The following MSRA variants were observed in gnomAD, a reference collection of about 807,000 sequenced individuals.
MSRA encodes the protein mitochondrial peptide methionine sulfoxide reductase.
Under a neutral mutation model 31.3 loss-of-function variants are expected in MSRA, and 54 were observed. The ratio of observed to expected loss-of-function variants is 1.73; its 90% confidence interval spans 1.39 to 2.17. MSRA has a LOEUF of 2.17. Ranked by LOEUF, MSRA falls within the 30% of genes most tolerant of loss-of-function variation. The pLI is 0.00. For missense variants in MSRA, 507 were observed against 300.9 expected (o/e 1.69, Z -5.07); for synonymous variants, 169 against 116.5 (o/e 1.45, Z -2.90).
intron 5 of MSRA, among the ~76,000 whole-genome samples, chr8:10,404,142 A>G (rs1051615080): frequency 2.0e-5 from 3 of 152,102 alleles, no homozygotes; most frequent in African/African-American, 4.8e-5. Context: ...GCATGTCACA[A>G]TGCATCACCT....
intron 1 of MSRA, among the ~76,000 whole-genome samples, chr8:10,081,783 C>T (rs1036818939): frequency 6.6e-6 from 1 of 152,136 alleles, no homozygotes; most frequent in Non-Finnish European, 1.5e-5. Flanking sequence ...AGGTGTGAGC[C>T]ACTACGCCTG....
At chr8:10,252,824 T>C (rs1797987527) in intron 3 of MSRA, among the ~76,000 whole-genome samples, 1 of 152,212 alleles carries the variant, frequency 6.6e-6, no homozygotes, top group Admixed American at 6.5e-5. Flanking sequence ...GCCAGTGCTA[T>C]TGAATTCAGA....
chr8:10,295,162 A>G (rs772091647), intron 3 of MSRA, among the ~76,000 whole-genome samples: 13 of 151,982 alleles, frequency 8.6e-5, no homozygotes, highest in Admixed American at 3.3e-4. Context: ...GGGCAATGAG[A>G]CTGCTTGTCT....
chr8:10,221,455 T>TATATATA, intron 2 of MSRA, among the ~76,000 whole-genome samples: 1 of 151,440 alleles, frequency 6.6e-6, no homozygotes, highest in African/African-American at 2.4e-5. Context: ...CATATATATA[T>TATATATA]TTGTTCTTTA....
intron 3 of MSRA, among the ~76,000 whole-genome samples, chr8:10,290,713 C>T (rs1800187793): frequency 6.6e-6 from 1 of 152,210 alleles, no homozygotes; most frequent in African/African-American, 2.4e-5. Context: ...GACAACAAGG[C>T]ACACACAGAC....
intron 3 of MSRA, among the ~76,000 whole-genome samples, chr8:10,277,189 C>G (rs1013280706): frequency 4.6e-5 from 7 of 152,162 alleles, no homozygotes; most frequent in African/African-American, 1.7e-4. Flanking sequence ...TTTATCCTGG[C>G]AAACTTAAGA....
intron 1 of MSRA, among the ~76,000 whole-genome samples, chr8:10,192,878 T>C (rs1807633582): frequency 6.6e-6 from 1 of 152,112 alleles, no homozygotes; most frequent in African/African-American, 2.4e-5. Context: ...TGGAAAATGG[T>C]TTCTAAATCT....
At chr8:10,421,465 C>T (rs1219893844) in intron 5 of MSRA, among the ~76,000 whole-genome samples, 1 of 152,072 alleles carries the variant, frequency 6.6e-6, no homozygotes, top group East Asian at 1.9e-4. Context: ...GCCACCTGTG[C>T]TGCCAGGAGC....
intron 1 of MSRA, among the ~76,000 whole-genome samples, chr8:10,150,595 C>T (rs1275268835): frequency 6.6e-6 from 1 of 152,010 alleles, no homozygotes; most frequent in Admixed American, 6.6e-5. Context: ...TCTACAGAAA[C>T]AAACAACAAA....
intron 2 of MSRA, among the ~76,000 whole-genome samples, chr8:10,228,368 C>CTATTCTGTGCCCCT (rs1186326006): frequency 2.0e-5 from 3 of 152,192 alleles, no homozygotes; most frequent in Non-Finnish European, 4.4e-5. Flanking sequence ...CCTGACTCTA[C>CTATTCTGTGCCCCT]GTGTACTTTA....
At chr8:10,083,249 G>A (rs1374588134) in intron 1 of MSRA, among the ~76,000 whole-genome samples, 1 of 152,144 alleles carries the variant, frequency 6.6e-6, no homozygotes, top group East Asian at 1.9e-4. Flanking sequence ...GTTTTAACAA[G>A]TTACTTTGAA....
chr8:10,262,399 T>C (rs191107941), intron 3 of MSRA, among the ~76,000 whole-genome samples: 220 of 152,372 alleles, frequency 1.4e-3, no homozygotes, highest in African/African-American at 5.0e-3. Context: ...TGTTGGTGTT[T>C]TGGATTTTGG....
chr8:10,076,724 C>T (rs753607111), intron 1 of MSRA, among the ~76,000 whole-genome samples: 3 of 152,076 alleles, frequency 2.0e-5, no homozygotes, highest in Non-Finnish European at 2.9e-5. Context: ...CTCTGTAGTG[C>T]CTCCCGGCTC....
intron 1 of MSRA, among the ~76,000 whole-genome samples, chr8:10,192,383 A>G (rs1476173054): frequency 6.6e-6 from 1 of 152,196 alleles, no homozygotes; most frequent in Non-Finnish European, 1.5e-5. Context: ...TCCTCCCCCT[A>G]CCAAGCCTTC....
chr8:10,386,921 GC>G (rs1806431005), intron 5 of MSRA, among the ~76,000 whole-genome samples: 1 of 147,514 alleles, frequency 6.8e-6, no homozygotes, highest in African/African-American at 2.5e-5. Flanking sequence ...AGAAAAATTA[GC>G]CCCAAAGGCA....
chr8:10,120,133 A>G (rs1014788825), intron 1 of MSRA, among the ~76,000 whole-genome samples: 4 of 152,146 alleles, frequency 2.6e-5, no homozygotes, highest in African/African-American at 9.7e-5. Context: ...CAGAAACCAG[A>G]GTTCAAGGGA....
chr8:10,080,176 A>T (rs958421669), intron 1 of MSRA, among the ~76,000 whole-genome samples: 4 of 152,182 alleles, frequency 2.6e-5, no homozygotes, highest in Admixed American at 6.5e-5. Flanking sequence ...GGTTGCTAAT[A>T]CAGTTACGAC....
intron 1 of MSRA, among the ~76,000 whole-genome samples, chr8:10,184,061 G>A (rs569573237): frequency 6.6e-6 from 1 of 151,712 alleles, no homozygotes; most frequent in African/African-American, 2.4e-5. Flanking sequence ...TGTTGGTGTT[G>A]GTAGTGGTTT....
intron 1 of MSRA, among the ~76,000 whole-genome samples, chr8:10,207,236 C>T (rs1245226751): frequency 1.3e-5 from 2 of 152,098 alleles, no homozygotes; most frequent in African/African-American, 2.4e-5. Context: ...GTTAGGAGGA[C>T]CTGGGTGGGG....
Sources: allele counts gnomAD v4.1 joint callset (sites outside exome capture counted in the v4.1 genomes callset), GRCh38; gene constraint gnomAD v4.1.1; transcripts MANE v1.5; gene names NCBI Gene and HGNC (gene_info 2026-07-23, HGNC 2026-07-21).